Variants in ADCY2 observed in about 807,000 individuals in gnomAD.
ADCY2 encodes the protein adenylate cyclase type 2.
In ADCY2, 31 loss-of-function variants were observed where a neutral mutation model predicts 125.2. The observed-to-expected ratio is 0.25, with a 90% CI of 0.19 to 0.33. ADCY2 has a LOEUF of 0.33. Ranked by LOEUF, ADCY2 falls within the 10% of genes least tolerant of loss-of-function variation. The pLI is 1.00. For synonymous variants in ADCY2, 512 were observed against 548.4 expected, an observed-to-expected ratio of 0.93 and a Z score of 0.93; for missense variants, 904 against 1,418.2, an observed-to-expected ratio of 0.64 and a Z score of 5.82.
intron 2 of ADCY2, among the ~76,000 whole-genome samples, chr5:7,434,052 T>C (rs1280576471): frequency 1.3e-5 from 2 of 152,160 alleles, no homozygotes; most frequent in Non-Finnish European, 2.9e-5. Context: ...CCTCATGACG[T>C]CAATACAGGG....
intron 5 of ADCY2, among the ~76,000 whole-genome samples, chr5:7,692,764 C>T (rs4537031): frequency 6.6e-6 from 1 of 152,198 alleles, no homozygotes; most frequent in Non-Finnish European, 1.5e-5. Context: ...CAGTTTTCTT[C>T]TGACAATCTG....
intron 3 of ADCY2, among the ~76,000 whole-genome samples, chr5:7,597,513 G>A (rs1474286514): frequency 1.3e-5 from 2 of 152,218 alleles, no homozygotes; most frequent in Non-Finnish European, 1.5e-5. Context: ...AGTGGCTCAC[G>A]CCTGTAATCC....
intron 2 of ADCY2, among the ~76,000 whole-genome samples, chr5:7,512,147 G>A (rs1226930452): frequency 7.2e-6 from 1 of 139,598 alleles, no homozygotes; most frequent in Non-Finnish European, 1.5e-5. Flanking sequence ...TTTGAACCTG[G>A]GAGATGAAGG....
intron 3 of ADCY2, among the ~76,000 whole-genome samples, chr5:7,568,503 A>G (rs1735976442): frequency 6.6e-6 from 1 of 151,748 alleles, no homozygotes; most frequent in African/African-American, 2.4e-5. Flanking sequence ...TCACTTCCAG[A>G]GGTGTTCCAT....
intron 5 of ADCY2, chr5:7,691,989 C>G (rs2973324): frequency 0.93 from 141,095 of 152,342 alleles, 66,278 homozygotes; most frequent in East Asian, 1. Context: ...CACTCACTAT[C>G]ACAAGAACAG....
intron 2 of ADCY2, among the ~76,000 whole-genome samples, chr5:7,470,037 ATAAT>A (rs1187300578): frequency 1.3e-5 from 2 of 151,820 alleles, no homozygotes; most frequent in Non-Finnish European, 3.0e-5. Flanking sequence ...CATATTTTAA[ATAAT>A]TGGCCAAGTT....
intron 2 of ADCY2, among the ~76,000 whole-genome samples, chr5:7,460,918 T>C (rs1741894293): frequency 6.6e-6 from 1 of 152,192 alleles, no homozygotes; most frequent in Admixed American, 6.5e-5. Context: ...AGTAGGTTCC[T>C]CTGCATTTAC....
intron 2 of ADCY2, among the ~76,000 whole-genome samples, chr5:7,513,114 G>C (rs375839334): frequency 8.4e-4 from 101 of 120,556 alleles, no homozygotes; most frequent in African/African-American, 2.5e-3. Flanking sequence ...CACAGAGAGA[G>C]AGAGAGAGAG....
At chr5:7,805,368 C>G (rs1322920426) in intron 22 of ADCY2, among the ~76,000 whole-genome samples, 1 of 152,026 alleles carries the variant, frequency 6.6e-6, no homozygotes, top group Non-Finnish European at 1.5e-5. Context: ...AAGTTGGCCA[C>G]ATGGAAATTT....
chr5:7,646,551 G>A (rs1015145696), intron 4 of ADCY2, among the ~76,000 whole-genome samples: 1 of 152,062 alleles, frequency 6.6e-6, no homozygotes, highest in African/African-American at 2.4e-5. Context: ...GTTTATACAA[G>A]GACAAGACCT....
rs369918576 is a variant in ADCY2 at position 7,433,531 on chromosome 5, C to T, written c.408+18761C>T. 4.0e-4 allele frequency among the ~76,000 whole-genome samples: 61 copies of T among 151,912 alleles called. 2 individuals carry two copies. The South Asian group carries it at 6.8e-3, about 17-fold the overall frequency. On this transcript the variant is annotated intron_variant, in intron 2 of 24. Coordinates refer to ENST00000338316, the MANE Select transcript of ADCY2 (RefSeq NM_020546.3). ...ACAGTTTTTACTTCCTGAGGAGGGA[C>T]GTAGCCAAAGAATGAAATATTCTAA...
At chr5:7,517,003 C>T (rs946986218) in intron 2 of ADCY2, among the ~76,000 whole-genome samples, 1 of 152,028 alleles carries the variant, frequency 6.6e-6, no homozygotes, top group African/African-American at 2.4e-5. Context: ...GAGACAGAGG[C>T]ATTATGGGCA....
chr5:7,508,379 G>T (rs1743927743), intron 2 of ADCY2, among the ~76,000 whole-genome samples: 1 of 152,104 alleles, frequency 6.6e-6, no homozygotes, highest in Non-Finnish European at 1.5e-5. Flanking sequence ...CTTCAGGTCG[G>T]CTGAGTTTGT....
intron 2 of ADCY2, among the ~76,000 whole-genome samples, chr5:7,514,964 T>C: frequency 6.6e-6 from 1 of 152,208 alleles, no homozygotes; most frequent in Non-Finnish European, 1.5e-5. Context: ...CACTTTGTGA[T>C]AATTTGTTAC....
At chr5:7,722,008 G>T (rs559368571) in intron 12 of ADCY2, among the ~76,000 whole-genome samples, 60 of 152,336 alleles carry the variant, frequency 3.9e-4, no homozygotes, top group African/African-American at 1.3e-3. Context: ...GATTAAGTGT[G>T]TAGGAAGAAT....
intron 3 of ADCY2, among the ~76,000 whole-genome samples, chr5:7,610,128 C>T (rs1389982328): frequency 1.3e-5 from 2 of 152,156 alleles, no homozygotes; most frequent in Admixed American, 6.5e-5. Flanking sequence ...GTCTAGTCCT[C>T]AGAAGAAAGA....
intron 24 of ADCY2, 69 bp downstream of exon 24, chr5:7,820,758 A>G: frequency 6.6e-7 from 1 of 1,511,394 alleles, no homozygotes; most frequent in Non-Finnish European, 8.9e-7. Flanking sequence ...ATAAATAAGT[A>G]TAATAAGGAT....
intron 3 of ADCY2, among the ~76,000 whole-genome samples, chr5:7,559,144 C>T (rs1047158678): frequency 6.6e-6 from 1 of 151,996 alleles, no homozygotes; most frequent in African/African-American, 2.4e-5. Flanking sequence ...GTTAGGATTG[C>T]TTTGGCTATT....
At chr5:7,705,586 C>T (rs186542546) in intron 7 of ADCY2, among the ~76,000 whole-genome samples, 1,789 of 152,084 alleles carry the variant, frequency 0.012, 33 homozygotes, top group African/African-American at 0.041. Context: ...GGTGCTTGCA[C>T]AGCCACAGCC....
Sources: allele counts gnomAD v4.1 joint callset (sites outside exome capture counted in the v4.1 genomes callset), GRCh38; gene constraint gnomAD v4.1.1; transcripts MANE v1.5; gene names NCBI Gene and HGNC (gene_info 2026-07-23, HGNC 2026-07-21).